The following TNKS variants were observed in gnomAD, a reference collection of about 807,000 sequenced individuals.
TNKS encodes the protein tankyrase, also known as poly [ADP-ribose] polymerase tankyrase-1.
A neutral mutation model predicts 135.8 loss-of-function variants in TNKS; 72 were observed. The ratio of observed to expected loss-of-function variants is 0.53; its 90% CI spans 0.44 to 0.64. TNKS has a LOEUF of 0.64. Among genes scored for constraint, TNKS ranks in the 30% least tolerant of loss-of-function variants. The pLI, the probability that TNKS is intolerant of heterozygous loss-of-function variation, is 0.00. For missense variants in TNKS, 1,769 were observed against 1,674.0 expected (o/e 1.06, Z -0.99); for synonymous variants, 849 against 649.3 (o/e 1.31, Z -4.68).
At chr8:9,570,526 C>T (rs980260330) in intron 1 of TNKS, among the ~76,000 whole-genome samples, 1 of 152,176 alleles carries the variant, frequency 6.6e-6, no homozygotes, top group Non-Finnish European at 1.5e-5. Context: ...TAACCAACTG[C>T]TTGCAAAAAG....
At chr8:9,634,148 A>G (rs1449300744) in intron 3 of TNKS, among the ~76,000 whole-genome samples, 1 of 151,088 alleles carries the variant, frequency 6.6e-6, no homozygotes, top group African/African-American at 2.4e-5. Flanking sequence ...AGGATAAACC[A>G]GAAAACATTG....
intron 20 of TNKS, among the ~76,000 whole-genome samples, chr8:9,759,478 C>G (rs1384200834): frequency 1.3e-5 from 2 of 152,206 alleles, no homozygotes; most frequent in African/African-American, 4.8e-5. Context: ...GCCTTCTAAA[C>G]TAAGTGACTT....
intron 3 of TNKS, among the ~76,000 whole-genome samples, chr8:9,657,885 G>A (rs1353050388): frequency 6.6e-5 from 9 of 136,616 alleles, no homozygotes; most frequent in African/African-American, 1.9e-4. Flanking sequence ...CTTCTCAGAC[G>A]GGGTGGTTGC....
At chr8:9,642,885 A>T (rs1351052293) in intron 3 of TNKS, among the ~76,000 whole-genome samples, 1 of 146,320 alleles carries the variant, frequency 6.8e-6, no homozygotes, top group South Asian at 2.2e-4. Flanking sequence ...AAAGTATGTA[A>T]GTACTGTATT....
At chr8:9,758,974 G>A (rs1487965837) in intron 20 of TNKS, among the ~76,000 whole-genome samples, 6 of 152,148 alleles carry the variant, frequency 3.9e-5, no homozygotes, top group Admixed American at 1.3e-4. Context: ...ATACCCTCAC[G>A]TGCTTATTGG....
At chr8:9,645,545 C>A (rs549355327) in intron 3 of TNKS, among the ~76,000 whole-genome samples, 1 of 152,104 alleles carries the variant, frequency 6.6e-6, no homozygotes, top group East Asian at 1.9e-4. Flanking sequence ...GAGAGTGAGG[C>A]GAGGATTTTA....
At chr8:9,717,138 C>T (rs1245653714) in intron 11 of TNKS, among the ~76,000 whole-genome samples, 3 of 128,134 alleles carry the variant, frequency 2.3e-5, no homozygotes, top group African/African-American at 8.8e-5. Context: ...TAAATTTCCA[C>T]AGGAATCTTT....
intron 3 of TNKS, among the ~76,000 whole-genome samples, chr8:9,634,866 T>A (rs1236479106): frequency 2.0e-5 from 3 of 152,206 alleles, no homozygotes; most frequent in African/African-American, 7.2e-5. Context: ...GCCTGGAACA[T>A]CTTCTGTGCT....
rs1808451514 is a variant in TNKS at position 9,781,391 on chromosome 8, G to T, written c.*4655G>T. ...TGCAGTTGAACCCTGGTAGTGGGGT[G>T]TCCCTCACACACCCGCGCACCCCTC... On this transcript the variant is annotated 3_prime_UTR_variant, in exon 27 of 27. Transcript: ENST00000310430. 6.6e-6 allele frequency: 1 copy of T among 152,148 alleles called. No homozygotes were observed. The highest frequency in any genetic ancestry group is 2.4e-5 in the African/African-American group (1 of 41,416). The allele number at this position is 152,148 out of a possible 1,614,324, so 9.4% of individuals were successfully genotyped here.
chr8:9,710,282 C>G, intron 11 of TNKS, 62 bp downstream of exon 11: 3 of 1,464,012 alleles, frequency 2.0e-6, no homozygotes, highest in Non-Finnish European at 2.9e-6. Context: ...GCTCTTAACA[C>G]TGCTTCTCTC....
intron 3 of TNKS, among the ~76,000 whole-genome samples, chr8:9,661,888 A>G (rs1405055028): frequency 6.6e-6 from 1 of 152,240 alleles, no homozygotes; most frequent in Non-Finnish European, 1.5e-5. Flanking sequence ...CAAATGTACA[A>G]GAAAAAAACA....
intron 3 of TNKS, among the ~76,000 whole-genome samples, chr8:9,657,769 G>T (rs1361478787): frequency 7.0e-6 from 1 of 143,152 alleles, no homozygotes; most frequent in Non-Finnish European, 1.5e-5. Context: ...GCGGCTGGCC[G>T]GGCAGGGGGC....
chr8:9,756,691 C>T (rs1585423877), intron 20 of TNKS, among the ~76,000 whole-genome samples: 1 of 152,156 alleles, frequency 6.6e-6, no homozygotes, highest in East Asian at 1.9e-4. Flanking sequence ...ATGCAAAAGT[C>T]TCATAGTTAC....
At chr8:9,598,760 T>TGC (rs1272070486) in intron 2 of TNKS, among the ~76,000 whole-genome samples, 2 of 68,116 alleles carry the variant, frequency 2.9e-5, no homozygotes, top group Non-Finnish European at 5.7e-5. Flanking sequence ...TGTATATGTG[T>TGC]GTGTGTATAT....
chr8:9,652,358 C>T (rs934478169), intron 3 of TNKS, among the ~76,000 whole-genome samples: 5 of 152,088 alleles, frequency 3.3e-5, no homozygotes, highest in Admixed American at 2.6e-4. Flanking sequence ...TAATTATCTT[C>T]GTTTGAATAC....
chr8:9,563,079 G>A (rs535985784), intron 1 of TNKS, among the ~76,000 whole-genome samples: 5 of 151,560 alleles, frequency 3.3e-5, no homozygotes, highest in Admixed American at 6.6e-5. Flanking sequence ...TCTTTAATAC[G>A]ATATATGTAA....
intron 2 of TNKS, among the ~76,000 whole-genome samples, chr8:9,613,805 G>T (rs1261451370): frequency 6.6e-6 from 1 of 152,172 alleles, no homozygotes; most frequent in Non-Finnish European, 1.5e-5. Flanking sequence ...AAAACAAGAA[G>T]GATTGAGGTT....
chr8:9,611,503 T>C (rs989947814), intron 2 of TNKS, among the ~76,000 whole-genome samples: 8 of 152,374 alleles, frequency 5.3e-5, no homozygotes, highest in African/African-American at 4.8e-5. Context: ...TCAATGCGTA[T>C]TGATTTTACA....
chr8:9,766,432 A>G lies in TNKS; in HGVS notation c.3740+7A>G, dbSNP rs542552703. On this transcript the variant is annotated splice_region_variant and intron_variant, in intron 25 of 26. Coordinates refer to ENST00000310430, the MANE Select transcript of TNKS (RefSeq NM_003747.3). ...CATGCTATATATGTCACAGGTAAGC[A>G]TCTTGCCATTAGTGTAACGTTTCCC... 1.7e-5 allele frequency: 26 copies of G among 1,546,164 alleles called. No homozygotes were observed. Among genetic ancestry groups the G allele is most frequent in the Admixed American group, 1.5e-4 (8 of 54,264 alleles).
Sources: allele counts gnomAD v4.1 joint callset (sites outside exome capture counted in the v4.1 genomes callset), GRCh38; gene constraint gnomAD v4.1.1; transcripts MANE v1.5; gene names NCBI Gene and HGNC (gene_info 2026-07-23, HGNC 2026-07-21).